Variants in PRTFDC1 observed in about 807,000 individuals in gnomAD.
PRTFDC1 encodes phosphoribosyltransferase domain-containing protein 1.
Under a neutral mutation model 34.6 loss-of-function variants are expected in PRTFDC1, and 38 were observed. That is an observed-to-expected ratio of 1.10 (90% confidence interval 0.85 to 1.44). PRTFDC1 has a LOEUF of 1.44. Ranked by LOEUF, PRTFDC1 falls within the 40% of genes most tolerant of loss-of-function variation. PRTFDC1 has a pLI of 0.00. For synonymous variants in PRTFDC1, 93 were observed against 98.1 expected (o/e 0.95, Z 0.31); for missense variants, 270 against 283.0 (o/e 0.95, Z 0.33).
chr10:24,901,992 C>T (rs893595046), intron 3 of PRTFDC1, among the ~76,000 whole-genome samples: 9 of 152,114 alleles, frequency 5.9e-5, no homozygotes, highest in Admixed American at 2.6e-4. Flanking sequence ...TTATCTAAGG[C>T]GTGGTTGGTT....
At chr10:24,879,500 T>G (rs543756476) in intron 3 of PRTFDC1, among the ~76,000 whole-genome samples, 1 of 152,084 alleles carries the variant, frequency 6.6e-6, no homozygotes, top group Non-Finnish European at 1.5e-5. Context: ...CGTGCCACCA[T>G]GCCCGGCTGA....
intron 3 of PRTFDC1, among the ~76,000 whole-genome samples, chr10:24,909,152 G>A (rs1254814592): frequency 6.6e-6 from 1 of 152,100 alleles, no homozygotes; most frequent in African/African-American, 2.4e-5. Context: ...GTGGTGGTGT[G>A]TGTCTATATT....
At chr10:24,882,847 A>T (rs1315871608) in intron 3 of PRTFDC1, among the ~76,000 whole-genome samples, 1 of 151,680 alleles carries the variant, frequency 6.6e-6, no homozygotes, top group Admixed American at 6.6e-5. Flanking sequence ...AGTAAAAAAA[A>T]ATCTAAATGC....
At chr10:24,922,615 A>C (rs2132585617) in intron 3 of PRTFDC1, among the ~76,000 whole-genome samples, 1 of 152,274 alleles carries the variant, frequency 6.6e-6, no homozygotes, top group African/African-American at 2.4e-5. Context: ...TTCTGCCATG[A>C]TTGTGAGGCC....
intron 7 of PRTFDC1, 25 bp from the exon 8 acceptor site, chr10:24,851,489 A>T: frequency 6.3e-7 from 1 of 1,588,310 alleles, no homozygotes; most frequent in South Asian, 1.2e-5. Context: ...AAAGAGAAAA[A>T]AAAAAAGGAA....
chr10:24,924,143 T>G (rs1018453945), intron 3 of PRTFDC1, among the ~76,000 whole-genome samples: 1 of 152,158 alleles, frequency 6.6e-6, no homozygotes, highest in East Asian at 1.9e-4. Context: ...CCAAGAAATA[T>G]AGGACTATGT....
intron 1 of PRTFDC1, among the ~76,000 whole-genome samples, chr10:24,946,823 G>A (rs568793693): frequency 6.6e-6 from 1 of 152,318 alleles, no homozygotes; most frequent in Admixed American, 6.5e-5. Flanking sequence ...ATATGCCAGT[G>A]TTATTATCTT....
chr10:24,855,928 A>T (rs1847565632), intron 6 of PRTFDC1, among the ~76,000 whole-genome samples: 1 of 152,066 alleles, frequency 6.6e-6, no homozygotes, highest in Admixed American at 6.6e-5. Flanking sequence ...AGCCTGGCCA[A>T]CATGGTGAAA....
At chr10:24,858,602 G>C (rs1325887481) in intron 4 of PRTFDC1, among the ~76,000 whole-genome samples, 193 bp from the exon 5 acceptor site, 1 of 152,146 alleles carries the variant, frequency 6.6e-6, no homozygotes, top group African/African-American at 2.4e-5. Flanking sequence ...ATTAGTTGGT[G>C]GTGCAATATT....
At chr10:24,894,923 C>T (rs1255839103) in intron 3 of PRTFDC1, among the ~76,000 whole-genome samples, 1 of 152,042 alleles carries the variant, frequency 6.6e-6, no homozygotes, top group African/African-American at 2.4e-5. Flanking sequence ...TGGCCCCACC[C>T]GTGGGTGGTG....
chr10:24,934,248 G>GGAGA lies in PRTFDC1; in HGVS notation c.339+2935_339+2936insTCTC, dbSNP rs1564317714. Among the ~76,000 whole-genome samples the GGAGA allele has an allele frequency of 6.8e-3, 665 of 97,276 alleles. 3 individuals carry two copies. Among genetic ancestry groups the GGAGA allele is most frequent in the Middle Eastern group, 0.024 (5 of 208 alleles). 63.8% of individuals were successfully genotyped at this position (97,276 alleles called of 152,430 possible). A position where few individuals can be genotyped will look rare whatever the true frequency, so the allele number is the denominator to read the frequency against. On this transcript the variant is annotated intron_variant, in intron 3 of 8. Transcript: ENST00000320152. Reference sequence around the variant, plus strand: ...GAAGAAGAAGAAGAAGAAGAAGAAGGAGAAGAAGAAGAAGAAGAAGAAGAA... The same window carrying GGAGA: ...GAAGAAGAAGAAGAAGAAGAAGAAGGGAGAAGAAGAAGAAGAAGAAGAAGAAGAA...
chr10:24,922,037 A>T (rs1281590623), intron 3 of PRTFDC1, among the ~76,000 whole-genome samples: 2 of 152,218 alleles, frequency 1.3e-5, no homozygotes, highest in Non-Finnish European at 2.9e-5. Context: ...TTTATTATAT[A>T]TCCAACTGTG....
At chr10:24,877,710 T>A (rs1458204148) in intron 3 of PRTFDC1, among the ~76,000 whole-genome samples, 1 of 152,104 alleles carries the variant, frequency 6.6e-6, no homozygotes, top group Non-Finnish European at 1.5e-5. Flanking sequence ...AACCTCCACC[T>A]CCCCAGTTCA....
intron 3 of PRTFDC1, among the ~76,000 whole-genome samples, chr10:24,874,193 A>G (rs1847923391): frequency 6.6e-6 from 1 of 152,108 alleles, no homozygotes; most frequent in Non-Finnish European, 1.5e-5. Flanking sequence ...TGGTCCACTA[A>G]GTTAGATAAA....
intron 3 of PRTFDC1, among the ~76,000 whole-genome samples, chr10:24,899,821 A>C (rs74390727): frequency 0.025 from 3,803 of 152,352 alleles, 66 homozygotes; most frequent in Non-Finnish European, 0.039. Flanking sequence ...CAGTTAGAGA[A>C]CAGCCAACAA....
chr10:24,943,520 C>A (rs977934323), intron 1 of PRTFDC1, among the ~76,000 whole-genome samples: 20 of 150,742 alleles, frequency 1.3e-4, no homozygotes, highest in African/African-American at 4.9e-4. Context: ...AGATCATACT[C>A]TAGCTGTATT....
intron 3 of PRTFDC1, among the ~76,000 whole-genome samples, chr10:24,888,376 C>T (rs777791906): frequency 6.6e-6 from 1 of 152,142 alleles, no homozygotes; most frequent in South Asian, 2.1e-4. Flanking sequence ...GACACCTACC[C>T]GTTTGGGTTG....
At chr10:24,895,355 C>G (rs10828719) in intron 3 of PRTFDC1, among the ~76,000 whole-genome samples, 99,672 of 147,764 alleles carry the variant, frequency 0.67, 33,983 homozygotes, top group African/African-American at 0.8. Context: ...GGGTTCAAGA[C>G]ATTCTCCTGC....
Position 24,905,084 on chromosome 10 carries a change from A to ATCAT in PRTFDC1, c.339+32099_339+32100insATGA, listed in dbSNP as rs145620706. On this transcript the variant is annotated intron_variant, in intron 3 of 8. Transcript: ENST00000320152. ...CACTTTGGAAGGCCGAGGTGGGTGG[A>ATCAT]TCACTTGAGCGCAGGAGTTTTAAAC... Among the ~76,000 whole-genome samples the ATCAT allele has an allele frequency of 9.9e-3, 1,508 of 151,936 alleles. 37 individuals are homozygous for ATCAT. Among genetic ancestry groups the ATCAT allele is most frequent in the African/African-American group, 0.035 (1,441 of 41,396 alleles).
Sources: gnomAD v4.1 joint callset for allele counts (sites outside exome capture counted in the v4.1 genomes callset) on GRCh38, gnomAD v4.1.1 for gene constraint, MANE v1.5 for transcripts, NCBI Gene and HGNC (gene_info 2026-07-23, HGNC 2026-07-21) for gene names.